Variants in FTSJ3 observed in about 807,000 individuals in gnomAD.
FTSJ3 encodes the protein FtsJ RNA 2'-O-methyltransferase 3.
A neutral mutation model predicts 111.5 loss-of-function variants in FTSJ3; 46 were observed. The ratio of observed to expected loss-of-function variants is 0.41; its 90% confidence interval spans 0.33 to 0.53. FTSJ3 has a LOEUF of 0.53. Among genes scored for constraint, FTSJ3 ranks in the 20% least tolerant of loss-of-function variants. The pLI is 0.19. For missense variants in FTSJ3, 1,075 were observed against 1,063.8 expected (o/e 1.01, Z -0.15); for synonymous variants, 408 against 383.0 (o/e 1.07, Z -0.76).
chr17:63,822,199 T>C, intron 13 of FTSJ3, 31 bp from the exon 14 acceptor site: 5 of 1,597,014 alleles, frequency 3.1e-6, no homozygotes, highest in Non-Finnish European at 4.3e-6. Flanking sequence ...AGGTAAACTA[T>C]TTAAAAGGAA....
chr17:63,825,451 CAATT>C lies in FTSJ3; in HGVS notation c.401-19_401-16del. ...TGTCAAATGGGCTGTAGGATAGAGA[CAATT>C]AGTTGACGCACTCTGCAGCCCAGGA... On this transcript the variant is annotated splice_polypyrimidine_tract_variant and intron_variant, in intron 6 of 20. Coordinates refer to ENST00000427159, the MANE Select transcript of FTSJ3 (RefSeq NM_017647.4). The C allele has an allele frequency of 6.2e-7, 1 of 1,614,014 alleles. No individual in the cohort carries two copies. Among genetic ancestry groups the C allele is most frequent in the Non-Finnish European group, 8.5e-7 (1 of 1,179,944 alleles).
chr17:63,822,260 A>T, intron 13 of FTSJ3, 92 bp from the exon 14 acceptor site: 2 of 1,033,564 alleles, frequency 1.9e-6, no homozygotes, highest in South Asian at 3.1e-5. Context: ...GCTCAGCAAC[A>T]CTAGAAAGAA....
In FTSJ3 at chr17:63,826,298, C is replaced by G; in HGVS notation, c.180G>C (p.Gln60His). Residue 60 changes from glutamine (Q) to histidine (H), a missense_variant, in exon 4 of 21, where the codon CAG (glutamine) becomes CAC (histidine). Transcript: ENST00000427159. Reference protein sequence around the residue: ...DLCAAPGGWLQVAAKFMPVSS... With the variant: ...DLCAAPGGWLHVAAKFMPVSS... ...ATACAGGCATAAACTTGGCAGCTAC[C>G]TGCAGCCTATAAAAGGAACAGAAAT... 1.2e-6 allele frequency: 2 copies of G among 1,614,156 alleles called. No homozygotes were observed. The highest frequency in any genetic ancestry group is 1.7e-6 in the Non-Finnish European group (2 of 1,180,004).
chr17:63,821,306 C>G, intron 16 of FTSJ3, 48 bp downstream of exon 16: 2 of 1,567,706 alleles, frequency 1.3e-6, no homozygotes, highest in South Asian at 2.4e-5. Context: ...AGAAATGGTT[C>G]AAGCCACCGC....
At position 63,825,249 on chromosome 17, in the gene FTSJ3, G is replaced by T. The variant is rs1567754033; in HGVS notation, c.588C>A (p.Val196=). ...SRHESAEIFV[V]CQGFLAPDKV... ...AAAGGAAATGATGCCCACCTTGGCA[G>T]ACTACAAAGATCTCTGCAGATTCAT... Residue 196 remains valine, a synonymous_variant, in exon 7 of 21, where the codon GTC becomes GTA. Coordinates refer to ENST00000427159, the MANE Select transcript of FTSJ3 (RefSeq NM_017647.4). The T allele has an allele frequency of 6.2e-7, 1 of 1,614,208 alleles. No homozygotes were observed. Among genetic ancestry groups the T allele is most frequent in the East Asian group, 2.2e-5 (1 of 44,892 alleles).
intron 19 of FTSJ3, 36 bp from the exon 20 acceptor site, chr17:63,820,209 C>CT: frequency 1.8e-6 from 1 of 545,162 alleles, no homozygotes. Context: ...TCTTCCCCAT[C>CT]CCCCCACCCC....
rs1472049135 is a variant in FTSJ3, at chr17:63,823,667, T to C, written c.1290+150A>G. On this transcript the variant is annotated intron_variant, in intron 13 of 20. Coordinates refer to ENST00000427159, the MANE Select transcript of FTSJ3 (RefSeq NM_017647.4). ...ATCCTTTTTGGTTTATGTTTCTTTG[T>C]GGCCTTATACTCACCAAGGCACCCT... The C allele has an allele frequency of 2.3e-5, 17 of 752,096 alleles. No individual in the cohort carries two copies. In the South Asian group the frequency reaches 2.9e-4, roughly 13 times the overall value. 46.6% of individuals were successfully genotyped at this position (752,096 alleles called of 1,614,324 possible). A position where few individuals can be genotyped will look rare whatever the true frequency, so the allele number is the denominator to read the frequency against.
rs758822183 is a variant in FTSJ3 at position 63,821,809 on chromosome 17, C to T, written c.1510G>A (p.Glu504Lys). ...RLTEVQDDKE[E>K]EEEENPLLVP... Reference sequence around the variant, plus strand: ...AGCAGTGGATTCTCCTCCTCCTCCTCCTCTTTATCATCTTGCACTTCAGTA... The same window carrying T: ...AGCAGTGGATTCTCCTCCTCCTCCTTCTCTTTATCATCTTGCACTTCAGTA... Residue 504 changes from glutamate to lysine, a missense_variant, in exon 15 of 21, where the codon GAG (glutamate) becomes AAG (lysine). By Grantham distance (56) the Glu-to-Lys change is moderately conservative. Around this residue, in one of 2 missense-constraint regions of FTSJ3, gnomAD observed 867 missense variants for 796.9 expected, o/e 1.09. Coordinates refer to ENST00000427159, the MANE Select transcript of FTSJ3 (RefSeq NM_017647.4). The T allele has an allele frequency of 5.0e-6, 8 of 1,614,030 alleles. No individual in the cohort carries two copies. Among genetic ancestry groups the T allele is most frequent in the Non-Finnish European group, 5.1e-6 (6 of 1,180,038 alleles).
chr17:63,821,677 A>G (rs1443592843), intron 15 of FTSJ3, 34 bp from the exon 16 acceptor site: 1 of 1,613,848 alleles, frequency 6.2e-7, no homozygotes, highest in South Asian at 1.1e-5. Flanking sequence ...CCCTTCTCCC[A>G]AGGAAGACTC....
At chr17:63,820,222 C>A (rs768599745) in intron 19 of FTSJ3, 33 bp downstream of exon 19, 133 of 1,599,778 alleles carry the variant, frequency 8.3e-5, no homozygotes, top group Non-Finnish European at 1.0e-4. Flanking sequence ...CCCACCCCCA[C>A]CCCACCCAAT....
At chr17:63,824,025 C>T in intron 12 of FTSJ3, 59 bp downstream of exon 12, 2 of 1,613,598 alleles carry the variant, frequency 1.2e-6, no homozygotes, top group East Asian at 2.2e-5. Context: ...ATTTTCTTCT[C>T]CCATCTTCAC....
At position 63,824,317 on chromosome 17, in the gene FTSJ3, C is replaced by T. The variant is rs763639262; in HGVS notation, c.998+14G>A. Reference sequence around the variant, plus strand: ...CACCCAGTCCACACCTGCCTCGCTGCGTTCTCTCCTCACCTGATGTCCAGT... The same window carrying T: ...CACCCAGTCCACACCTGCCTCGCTGTGTTCTCTCCTCACCTGATGTCCAGT... On this transcript the variant is annotated intron_variant, in intron 11 of 20. Transcript: ENST00000427159. The T allele has an allele frequency of 1.2e-5, 20 of 1,614,038 alleles. No homozygotes were observed. The highest frequency in any genetic ancestry group is 7.7e-5 in the South Asian group (7 of 91,084).
rs757503012 is a variant in FTSJ3, at chr17:63,822,123, A to G, written c.1336T>C (p.Phe446Leu). Reference sequence around the variant, plus strand: ...TCATCCCTTGGCAGATCGGACAGAAATGTGTCTGCTGCACTCATATCCCCT... The same window carrying G: ...TCATCCCTTGGCAGATCGGACAGAAGTGTGTCTGCTGCACTCATATCCCCT... Reference protein sequence around the residue: ...TQGDMSAADTFLSDLPRDDIY... With the variant: ...TQGDMSAADTLLSDLPRDDIY... Residue 446 changes from phenylalanine (F) to leucine (L), a missense_variant, in exon 14 of 21, where the codon TTT becomes CTT. Phe to Leu is a conservative substitution (Grantham distance 22, BLOSUM62 0). Transcript: ENST00000427159. 5.6e-6 allele frequency: 9 copies of G among 1,614,114 alleles called. No homozygotes were observed. Among genetic ancestry groups the G allele is most frequent in the Non-Finnish European group, 7.6e-6 (9 of 1,180,038 alleles).
Position 63,824,617 on chromosome 17 carries a change from G to A in FTSJ3, c.917+20C>T, listed in dbSNP as rs189748069. ...CCTGCCTCCAGGGCTCCTGGCCCCC[G>A]TGCCTACCCCACTCCATACCTGAGC... On this transcript the variant is annotated intron_variant, in intron 10 of 20. Transcript: ENST00000427159. The A allele has an allele frequency of 8.7e-5, 139 of 1,593,096 alleles. 1 individual carries two copies. In the East Asian group the frequency reaches 2.2e-3, roughly 25 times the overall value.
In FTSJ3 at chr17:63,824,680, C is replaced by T; in HGVS notation, c.874G>A (p.Val292Met). 3 of 1,614,146 alleles carry T rather than the reference C, an allele frequency of 1.9e-6. No homozygotes were observed. The highest frequency in any genetic ancestry group is 1.7e-4 in the Middle Eastern group (1 of 6,058). ...QHPATTEDIRVCCQDIRVLGR... is the reference protein window; with the variant it reads ...QHPATTEDIRMCCQDIRVLGR... ...AACACTCTGATGTCCTGACAGCACACCCGTATGTCCTCAGTGGTAGCTGGA... is the reference window on the plus strand; with the variant it reads ...AACACTCTGATGTCCTGACAGCACATCCGTATGTCCTCAGTGGTAGCTGGA... Residue 292 changes from valine (V) to methionine (M), a missense_variant, in exon 10 of 21, where the codon GTG (valine) becomes ATG (methionine). By Grantham distance (21) the Val-to-Met change is conservative. Coordinates refer to ENST00000427159, the MANE Select transcript of FTSJ3 (RefSeq NM_017647.4).
chr17:63,824,437 C>T, intron 10 of FTSJ3, 26 bp from the exon 11 acceptor site: 4 of 1,609,938 alleles, frequency 2.5e-6, no homozygotes, highest in Non-Finnish European at 3.4e-6. Flanking sequence ...TATTACTGAT[C>T]TTGCCATCTC....
At chr17:63,826,440 CAAG>C in intron 3 of FTSJ3, 124 bp downstream of exon 3, 1 of 1,179,418 alleles carries the variant, frequency 8.5e-7, no homozygotes, top group South Asian at 1.2e-5. Context: ...TCTCTGCAAT[CAAG>C]AAAGGAAACG....
rs887271485 is a variant in FTSJ3 at position 63,824,225 on chromosome 17, T to C, written c.1013A>G (p.Glu338Gly). Residue 338 changes from glutamate (E) to glycine (G), a missense_variant, in exon 12 of 21, where the codon GAG becomes GGG. Around this residue, in one of 2 missense-constraint regions of FTSJ3, gnomAD observed 867 missense variants for 796.9 expected, o/e 1.09. Transcript: ENST00000427159. ...KALDISLSSG[E>G]EDEGDEEDST... is the part of the protein sequence containing the mutation. ...GTCCTCCTCATCACCTTCATCTTCCTCTCCAGAGCTGAGGCTGGCAAAACA... is the reference window on the plus strand; with the variant it reads ...GTCCTCCTCATCACCTTCATCTTCCCCTCCAGAGCTGAGGCTGGCAAAACA... 6.2e-7 allele frequency: 1 copy of C among 1,614,122 alleles called. No homozygotes were observed. Among genetic ancestry groups the C allele is most frequent in the Non-Finnish European group, 8.5e-7 (1 of 1,180,030 alleles).
At chr17:63,822,575 A>G (rs988367435) in intron 13 of FTSJ3, among the ~76,000 whole-genome samples, 1 of 152,222 alleles carries the variant, frequency 6.6e-6, no homozygotes, top group African/African-American at 2.4e-5. Flanking sequence ...GCCAACATAC[A>G]TCCAACAAAA....
Sources: gnomAD v4.1 joint callset for allele counts (sites outside exome capture counted in the v4.1 genomes callset) on GRCh38, gnomAD v4.1.1 for gene constraint, gnomAD v4.1.1 regional missense constraint, MANE v1.5 for transcripts, NCBI Gene and HGNC (gene_info 2026-07-23, HGNC 2026-07-21) for gene names.